KCNH6: variants seen among roughly 807,000 people sequenced by gnomAD.
KCNH6 encodes the protein voltage-gated inwardly rectifying potassium channel KCNH6.
A neutral mutation model predicts 83.4 loss-of-function variants in KCNH6; 81 were observed. The observed-to-expected ratio is 0.97, with a 90% CI of 0.81 to 1.17. KCNH6 has a LOEUF of 1.17. Ranked by LOEUF, KCNH6 falls within the 50% of genes most tolerant of loss-of-function variation. The pLI, the probability that KCNH6 is intolerant of heterozygous loss-of-function variation, is 0.00. For missense variants in KCNH6, 1,203 were observed against 1,290.5 expected, an observed-to-expected ratio of 0.93 and a Z score of 1.04; for synonymous variants, 503 against 545.6, an observed-to-expected ratio of 0.92 and a Z score of 1.09.
chr17:63,541,559 C>T (rs1275040609), intron 8 of KCNH6, among the ~76,000 whole-genome samples: 3 of 150,040 alleles, frequency 2.0e-5, no homozygotes, highest in Non-Finnish European at 4.4e-5. Context: ...TCCCAAAGTG[C>T]TGGGATTACA....
intron 8 of KCNH6, among the ~76,000 whole-genome samples, chr17:63,540,737 T>C (rs951245734): frequency 6.6e-6 from 1 of 152,160 alleles, no homozygotes; most frequent in Non-Finnish European, 1.5e-5. Context: ...CCTCCACCCA[T>C]CCTTCTGTGC....
chr17:63,524,464 C>T (rs528803869), intron 2 of KCNH6, 95 bp downstream of exon 2: 23 of 1,006,508 alleles, frequency 2.3e-5, no homozygotes, highest in Admixed American at 2.3e-4. Flanking sequence ...GACCCAGGGT[C>T]CAAAGGGCCT....
chr17:63,540,933 C>T (rs570668873), intron 8 of KCNH6, among the ~76,000 whole-genome samples: 4 of 152,288 alleles, frequency 2.6e-5, no homozygotes, highest in East Asian at 3.9e-4. Flanking sequence ...TTGTTTCTCT[C>T]GACACAGCCC....
Position 63,530,442 on chromosome 17 carries a change from A to G in KCNH6, c.575A>G (p.Asn192Ser), listed in dbSNP as rs1299385573. The G allele has an allele frequency of 2.5e-6, 4 of 1,614,084 alleles. No individual in the cohort carries two copies. The African/African-American group carries it at 5.3e-5, about 22-fold the overall frequency. ...PQFTLNFVEF[N>S]LEKHRSSSTT... is the part of the protein sequence containing the mutation. ...TTCACGCTCAACTTCGTGGAGTTCA[A>G]CTTGGAGAAGCACCGCTCCAGCTCC... The change falls in exon 4 of 13, where the codon AAC becomes AGC. Residue 192 changes from asparagine (N) to serine (S), a missense_variant. Asn to Ser is a conservative substitution (Grantham distance 46, BLOSUM62 1). Transcript: ENST00000314672.
rs142210523 is a variant in KCNH6 at position 63,535,802 on chromosome 17, C to T, written c.1235C>T (p.Ala412Val). The T allele has an allele frequency of 2.4e-5, 38 of 1,614,142 alleles. No homozygotes were observed. The highest frequency in any genetic ancestry group is 1.6e-4 in the Middle Eastern group (1 of 6,084). Residue 412 changes from alanine to valine, a missense_variant, in exon 6 of 13, where the codon GCG (alanine) becomes GTG (valine). Ala to Val is a moderately conservative substitution (Grantham distance 64). Coordinates refer to ENST00000314672, the MANE Select transcript of KCNH6 (RefSeq NM_001278919.2). The surrounding 1 kb of genome is among the most constrained non-coding windows in gnomAD (Gnocchi z 4.9). ...CTCATGTGCACCTTCGCGCTCATAGCGCACTGGCTGGCCTGCATCTGGTAC... is the reference window on the plus strand; with the variant it reads ...CTCATGTGCACCTTCGCGCTCATAGTGCACTGGCTGGCCTGCATCTGGTAC... ...FLLMCTFALI[A>V]HWLACIWYAI...
chr17:63,523,444 C>T lies in KCNH6; in HGVS notation c.31C>T (p.Gln11Ter). The change falls in exon 1 of 13, where the codon CAA becomes TAA. Residue 11 changes from glutamine (Q) to a stop codon, truncating the protein, a stop_gained. Transcript: ENST00000314672. LOFTEE classifies it high-confidence loss of function. The surrounding 1 kb of genome is among the most constrained non-coding windows in gnomAD (Gnocchi z 4.2). MPVRRGHVAP[Q>*]NTYLDTIIRK... Reference sequence around the variant, plus strand: ...GGTCCGCAGGGGCCACGTCGCTCCCCAAAACACTTACCTGGACACCATCAT... The same window carrying T: ...GGTCCGCAGGGGCCACGTCGCTCCCTAAAACACTTACCTGGACACCATCAT... 6.2e-7 allele frequency: 1 copy of T among 1,606,172 alleles called. No individual in the cohort carries two copies. Among genetic ancestry groups the T allele is most frequent in the Non-Finnish European group, 8.5e-7 (1 of 1,176,522 alleles).
In KCNH6 at chr17:63,535,537, G is replaced by A; in HGVS notation, c.1102-132G>A. 1 of 813,912 alleles carries A rather than the reference G, an allele frequency of 1.2e-6. No individual in the cohort carries two copies. Among genetic ancestry groups the A allele is most frequent in the Non-Finnish European group, 1.9e-6 (1 of 522,500 alleles). 50.4% of individuals were successfully genotyped at this position (813,912 alleles called of 1,614,324 possible). A position where few individuals can be genotyped will look rare whatever the true frequency, so the allele number is the denominator to read the frequency against. Reference sequence around the variant, plus strand: ...ACTGTGCCACACTGCCAAGTGCGTGGCCCGGAGGAAGTTCTCCATAAATGT... The same window carrying A: ...ACTGTGCCACACTGCCAAGTGCGTGACCCGGAGGAAGTTCTCCATAAATGT... On this transcript the variant is annotated intron_variant, in intron 5 of 12. Coordinates refer to ENST00000314672, the MANE Select transcript of KCNH6 (RefSeq NM_001278919.2). The surrounding 1 kb of genome is among the most constrained non-coding windows in gnomAD (Gnocchi z 4.9).
At chr17:63,529,502 C>T (rs2031938801) in intron 2 of KCNH6, among the ~76,000 whole-genome samples, 1 of 152,236 alleles carries the variant, frequency 6.6e-6, no homozygotes, top group African/African-American at 2.4e-5. Context: ...CTCCATGCTC[C>T]CTCCCAGCCC....
Position 63,545,638 on chromosome 17 carries a change from T to C in KCNH6, c.2613T>C (p.Cys871=), listed in dbSNP as rs35166012. 2.2e-3 allele frequency: 3,475 copies of C among 1,613,858 alleles called. 61 individuals are homozygous for C. In the African/African-American group the frequency reaches 0.037, roughly 17 times the overall value. The change falls in exon 13 of 13, where the codon TGT becomes TGC. Residue 871 remains cysteine, a synonymous_variant. Coordinates refer to ENST00000314672, the MANE Select transcript of KCNH6 (RefSeq NM_001278919.2). ...QTPSYGDLDD[C]SPKHRNSSPR... is the part of the protein sequence containing the mutation. ...CAAGCTATGGAGACTTGGATGACTG[T>C]AGTCCAAAGCACAGGAACTCCTCCC...
At chr17:63,525,727 C>T (rs903132658) in intron 2 of KCNH6, among the ~76,000 whole-genome samples, 6 of 152,092 alleles carry the variant, frequency 3.9e-5, no homozygotes, top group Non-Finnish European at 7.3e-5. Flanking sequence ...GTGGGAAGTG[C>T]AACAGGCAGC....
rs1209538158 is a variant in KCNH6 at position 63,538,205 on chromosome 17, C to T, written c.1642C>T (p.Arg548Cys). 1.9e-6 allele frequency: 3 copies of T among 1,614,116 alleles called. No homozygotes were observed. Among genetic ancestry groups the T allele is most frequent in the Non-Finnish European group, 2.5e-6 (3 of 1,180,046 alleles). ...FHQIPNPLRQ[R>C]LEEYFQHAWS... ...CCAGATCCCCAACCCACTGCGCCAG[C>T]GCCTGGAGGAGTATTTCCAGCACGC... The change falls in exon 7 of 13, where the codon CGC (arginine) becomes TGC (cysteine). Residue 548 changes from arginine to cysteine, a missense_variant. Coordinates refer to ENST00000314672, the MANE Select transcript of KCNH6 (RefSeq NM_001278919.2). This position sits in a 1 kb window ranked among gnomAD's most constrained non-coding sequence, Gnocchi z 4.0.
intron 2 of KCNH6, among the ~76,000 whole-genome samples, chr17:63,527,467 AGAG>A (rs1488958233): frequency 6.6e-6 from 1 of 152,176 alleles, no homozygotes; most frequent in Non-Finnish European, 1.5e-5. Flanking sequence ...GAGGGAGAGA[AGAG>A]GAGAGAGAAT....
intron 2 of KCNH6, among the ~76,000 whole-genome samples, chr17:63,529,174 A>G (rs1442795081): frequency 6.6e-6 from 1 of 152,170 alleles, no homozygotes; most frequent in Non-Finnish European, 1.5e-5. Context: ...CCATCCACCA[A>G]AGGGGGCTGC....
intron 2 of KCNH6, 34 bp from the exon 3 acceptor site, chr17:63,530,057 G>A: frequency 4.4e-6 from 7 of 1,608,340 alleles, no homozygotes; most frequent in South Asian, 2.2e-5. Context: ...ACCCCTTCAG[G>A]GCCCACCCCC....
At position 63,538,298 on chromosome 17, in the gene KCNH6, G is replaced by T. The variant is rs745388506; in HGVS notation, c.1701+34G>T. On this transcript the variant is annotated intron_variant, in intron 7 of 12. Coordinates refer to ENST00000314672, the MANE Select transcript of KCNH6 (RefSeq NM_001278919.2). This position sits in a 1 kb window ranked among gnomAD's most constrained non-coding sequence, Gnocchi z 4.0. Reference sequence around the variant, plus strand: ...CGCCGCTCCGGCTAATGCCCCGGGCGTGGGGGGGAGCCAAGATCCTGCGGG... The same window carrying T: ...CGCCGCTCCGGCTAATGCCCCGGGCTTGGGGGGGAGCCAAGATCCTGCGGG... The T allele has an allele frequency of 1.0e-4, 158 of 1,543,872 alleles. No homozygotes were observed. The highest frequency in any genetic ancestry group is 1.4e-4 in the Non-Finnish European group (156 of 1,143,948).
chr17:63,530,261 G>C lies in KCNH6; in HGVS notation c.469+9G>C, dbSNP rs752276007. On this transcript the variant is annotated intron_variant, in intron 3 of 12. Transcript: ENST00000314672. ...GAGCTTCCTGGGCTCCGGTGAGGCA[G>C]AGTGAGGGTGGTGGTGGGAGGGACG... 5 of 1,613,910 alleles carry C rather than the reference G, an allele frequency of 3.1e-6. No individual in the cohort carries two copies. Among genetic ancestry groups the C allele is most frequent in the Admixed American group, 1.7e-5 (1 of 60,018 alleles).
At chr17:63,544,990 G>C in intron 11 of KCNH6, 88 bp from the exon 12 acceptor site, 1 of 1,341,930 alleles carries the variant, frequency 7.5e-7, no homozygotes, top group East Asian at 2.3e-5. Context: ...CATCTAGCAG[G>C]AACAGCACGC....
chr17:63,537,376 C>T (rs1568079828), intron 6 of KCNH6, among the ~76,000 whole-genome samples: 1 of 152,146 alleles, frequency 6.6e-6, no homozygotes, highest in Non-Finnish European at 1.5e-5. Context: ...TCCAGAAAAA[C>T]AAAAACAAGG....
At position 63,524,242 on chromosome 17, in the gene KCNH6, G is replaced by A. The variant is rs757540599; in HGVS notation, c.180G>A (p.Met60Ile). ...TCGGCTACTCCCGAGTGGAGGTGAT[G>A]CAGCAACCCTGCACCTGCGACTTCC... is the stretch of plus-strand genomic sequence containing the variant. The part of the protein sequence containing the change: ...ELFGYSRVEV[M>I]QQPCTCDFLT... The change falls in exon 2 of 13, where the codon ATG becomes ATA. Residue 60 changes from methionine to isoleucine, a missense_variant. Met to Ile is a conservative substitution (Grantham distance 10). Coordinates refer to ENST00000314672, the MANE Select transcript of KCNH6 (RefSeq NM_001278919.2). 1 of 1,614,122 alleles carries A rather than the reference G, an allele frequency of 6.2e-7. No homozygotes were observed. The highest frequency in any genetic ancestry group is 8.5e-7 in the Non-Finnish European group (1 of 1,180,036).
Sources: gnomAD v4.1 joint callset for allele counts (sites outside exome capture counted in the v4.1 genomes callset) on GRCh38, gnomAD v4.1.1 for gene constraint, Gnocchi (gnomAD v3.1) non-coding constraint, MANE v1.5 for transcripts, NCBI Gene and HGNC (gene_info 2026-07-23, HGNC 2026-07-21) for gene names.